Variants in FRMD4B observed in about 807,000 individuals in gnomAD.
FRMD4B encodes FERM domain containing 4B.
FRMD4B carries 74 observed loss-of-function variants against 141.5 expected under a neutral mutation model. The observed-to-expected ratio is 0.52, with a 90% CI of 0.43 to 0.63. The LOEUF (loss-of-function observed/expected upper bound fraction) is 0.63. Ranked by LOEUF, FRMD4B falls within the 30% of genes least tolerant of loss-of-function variation. The pLI, the probability that FRMD4B is intolerant of heterozygous loss-of-function variation, is 0.00. For synonymous variants in FRMD4B, 506 were observed against 467.9 expected (o/e 1.08, Z -1.05); for missense variants, 1,366 against 1,253.4 (o/e 1.09, Z -1.36).
At chr3:69,321,799 T>G (rs908101606) in intron 1 of FRMD4B, among the ~76,000 whole-genome samples, 9 of 151,982 alleles carry the variant, frequency 5.9e-5, no homozygotes, top group African/African-American at 2.2e-4. Flanking sequence ...ACTGCAGTCT[T>G]GACTTCCCCA....
At chr3:69,335,988 G>A (rs1053592544) in intron 1 of FRMD4B, among the ~76,000 whole-genome samples, 1 of 152,142 alleles carries the variant, frequency 6.6e-6, no homozygotes, top group African/African-American at 2.4e-5. Context: ...ATCCCAAAGT[G>A]CTAGGATTAC....
intron 1 of FRMD4B, among the ~76,000 whole-genome samples, chr3:69,356,643 C>T (rs1391486067): frequency 6.8e-6 from 1 of 147,968 alleles, no homozygotes; most frequent in Non-Finnish European, 1.5e-5. Context: ...AATATATATA[C>T]ATATATATAT....
intron 10 of FRMD4B, among the ~76,000 whole-genome samples, chr3:69,216,876 C>A (rs2093145576): frequency 6.6e-6 from 1 of 151,768 alleles, no homozygotes; most frequent in African/African-American, 2.4e-5. Context: ...ACTGTTAATA[C>A]CATCAAAAAG....
intron 7 of FRMD4B, among the ~76,000 whole-genome samples, chr3:69,233,549 C>G (rs1227791847): frequency 6.6e-6 from 1 of 151,462 alleles, no homozygotes; most frequent in East Asian, 1.9e-4. Flanking sequence ...AATTGTAACT[C>G]AAAATCCTTA....
rs191686310 is a variant in FRMD4B at position 69,488,062 on chromosome 3, A to G, written c.-129+54144T>C. Among the ~76,000 whole-genome samples the G allele has an allele frequency of 3.7e-4, 57 of 152,160 alleles. 1 individual carries two copies. The highest frequency in any genetic ancestry group is 6.8e-3 in the Middle Eastern group (2 of 294). ...AGAAAGAGAAAGAAAGAAAGAACAA[A>G]AGAAAGAAAGAAAAGAAAGAAAGAG... is the stretch of plus-strand genomic sequence containing the variant. On this transcript the variant is annotated intron_variant, in intron 1 of 5. Coordinates refer to the FRMD4B transcript ENST00000459638.
At chr3:69,282,881 C>T (rs1374237328) in intron 5 of FRMD4B, among the ~76,000 whole-genome samples, 1 of 152,092 alleles carries the variant, frequency 6.6e-6, no homozygotes, top group Non-Finnish European at 1.5e-5. Context: ...AAGTGATCCA[C>T]CCGCCTTGGC....
chr3:69,243,279 G>C (rs2093400248), intron 7 of FRMD4B, among the ~76,000 whole-genome samples: 2 of 151,952 alleles, frequency 1.3e-5, no homozygotes, highest in African/African-American at 2.4e-5. Context: ...ACTCTGAAGG[G>C]AACACGGCAG....
chr3:69,289,971 C>A (rs562082648), intron 4 of FRMD4B, among the ~76,000 whole-genome samples: 120 of 152,264 alleles, frequency 7.9e-4, no homozygotes, highest in African/African-American at 2.3e-3. Flanking sequence ...CTTACTTCTC[C>A]AGAGCACTTC....
At chr3:69,411,972 A>G (rs2106783471) in intron 2 of FRMD4B, among the ~76,000 whole-genome samples, 1 of 152,354 alleles carries the variant, frequency 6.6e-6, no homozygotes, top group African/African-American at 2.4e-5. Flanking sequence ...TTGCTAATCT[A>G]GCTAGAAATT....
intron 1 of FRMD4B, among the ~76,000 whole-genome samples, chr3:69,360,364 T>C (rs1703437002): frequency 6.6e-6 from 1 of 152,220 alleles, no homozygotes; most frequent in Non-Finnish European, 1.5e-5. Flanking sequence ...ATAAGGACTC[T>C]TTTTTAAACA....
At chr3:69,527,216 A>G (rs886331126) in intron 1 of FRMD4B, among the ~76,000 whole-genome samples, 4 of 152,208 alleles carry the variant, frequency 2.6e-5, no homozygotes, top group African/African-American at 7.2e-5. Flanking sequence ...ATGAAAATGC[A>G]GGAAAAAAAG....
chr3:69,452,107 G>C (rs1216117163), intron 1 of FRMD4B, among the ~76,000 whole-genome samples: 1 of 152,266 alleles, frequency 6.6e-6, no homozygotes, highest in Non-Finnish European at 1.5e-5. Context: ...GGAGGAAGAA[G>C]CATCATCATT....
At chr3:69,439,381 G>C (rs745795459) in intron 1 of FRMD4B, among the ~76,000 whole-genome samples, 3 of 152,184 alleles carry the variant, frequency 2.0e-5, no homozygotes, top group African/African-American at 7.2e-5. Flanking sequence ...CAACCTACAT[G>C]AGAGTACATG....
At chr3:69,375,167 C>G (rs1703934880) in intron 1 of FRMD4B, among the ~76,000 whole-genome samples, 1 of 151,062 alleles carries the variant, frequency 6.6e-6, no homozygotes, top group African/African-American at 2.4e-5. Flanking sequence ...ATTCATCCAC[C>G]CACCCACCCA....
intron 14 of FRMD4B, among the ~76,000 whole-genome samples, chr3:69,195,629 C>A (rs1448499033): frequency 2.0e-5 from 3 of 152,034 alleles, no homozygotes; most frequent in African/African-American, 4.8e-5. Flanking sequence ...CCCAGACACA[C>A]CCAAAGAAAA....
chr3:69,194,926 C>T (rs775182656), intron 16 of FRMD4B, 96 bp downstream of exon 16: 3 of 1,112,712 alleles, frequency 2.7e-6, no homozygotes, highest in African/African-American at 3.0e-5. Context: ...AGATAACATA[C>T]AGCAGAGACT....
At chr3:69,337,527 G>A (rs1027766264) in intron 1 of FRMD4B, among the ~76,000 whole-genome samples, 2 of 152,126 alleles carry the variant, frequency 1.3e-5, no homozygotes, top group African/African-American at 2.4e-5. Flanking sequence ...GCAACCTACA[G>A]AATGGGAGAA....
chr3:69,455,217 T>A (rs1050297166), intron 1 of FRMD4B, among the ~76,000 whole-genome samples: 1 of 152,192 alleles, frequency 6.6e-6, no homozygotes, highest in South Asian at 2.1e-4. Context: ...ATCAGCAGGA[T>A]GTGGGTGGGG....
rs111426203 is a variant in FRMD4B at position 69,206,633 on chromosome 3, A to G, written c.877-7859T>C. Among the ~76,000 whole-genome samples the G allele has an allele frequency of 2.4e-3, 363 of 152,346 alleles. 4 individuals carry two copies. Among genetic ancestry groups the G allele is most frequent in the African/African-American group, 8.0e-3 (331 of 41,572 alleles). ...CTGAGCTACTGCTCTGGGCACCTGT[A>G]TAACTATTATGGATATTTACAACTG... On this transcript the variant is annotated intron_variant, in intron 11 of 22. Coordinates refer to ENST00000398540, the MANE Select transcript of FRMD4B (RefSeq NM_015123.3).
Sources: gnomAD v4.1 joint callset for allele counts (sites outside exome capture counted in the v4.1 genomes callset) on GRCh38, gnomAD v4.1.1 for gene constraint, MANE v1.5 for transcripts, NCBI Gene and HGNC (gene_info 2026-07-23, HGNC 2026-07-21) for gene names.